Variants in HYDIN observed in about 807,000 individuals in gnomAD.
The protein encoded by HYDIN is HYDIN axonemal central pair apparatus protein, also known as axonemal central pair apparatus protein HYDIN.
Under a neutral mutation model 403.9 loss-of-function variants are expected in HYDIN, and 132 were observed. The ratio of observed to expected loss-of-function variants is 0.33; its 90% confidence interval spans 0.28 to 0.38. The LOEUF (loss-of-function observed/expected upper bound fraction) is 0.38. Ranked by LOEUF, HYDIN falls within the 10% of genes least tolerant of loss-of-function variation. The pLI, the probability that HYDIN is intolerant of heterozygous loss-of-function variation, is 1.00. For synonymous variants in HYDIN, 1,202 were observed against 1,891.7 expected (o/e 0.64, Z 9.46); for missense variants, 2,827 against 5,009.5 (o/e 0.56, Z 13.15).
At chr16:71,197,298 A>C (rs1244361352) in intron 1 of HYDIN, among the ~76,000 whole-genome samples, 1 of 152,224 alleles carries the variant, frequency 6.6e-6, no homozygotes, top group Non-Finnish European at 1.5e-5. Context: ...TCTAAATAAA[A>C]ACATATTGTT....
intron 18 of HYDIN, among the ~76,000 whole-genome samples, chr16:71,041,760 T>G: frequency 6.6e-6 from 1 of 151,762 alleles, no homozygotes; most frequent in Admixed American, 6.6e-5. Context: ...TTAACTTCTG[T>G]TTGTTCTATA....
At chr16:71,208,643 T>C (rs992079264) in intron 1 of HYDIN, among the ~76,000 whole-genome samples, 1 of 151,684 alleles carries the variant, frequency 6.6e-6, no homozygotes, top group East Asian at 1.9e-4. Flanking sequence ...ATTAATAAGA[T>C]AGATAGACCA....
chr16:70,905,051 C>T (rs1018218263), intron 50 of HYDIN, among the ~76,000 whole-genome samples: 4 of 152,052 alleles, frequency 2.6e-5, no homozygotes, highest in African/African-American at 9.7e-5. Flanking sequence ...AAAAGAGGCA[C>T]ATCATCAGAG....
At chr16:70,839,482 T>C (rs1291854107) in intron 76 of HYDIN, among the ~76,000 whole-genome samples, 1 of 145,464 alleles carries the variant, frequency 6.9e-6, no homozygotes, top group African/African-American at 2.6e-5. Flanking sequence ...CATTCAGCTA[T>C]AGGCCACCAT....
chr16:70,938,841 G>A, intron 43 of HYDIN, 86 bp from the exon 44 acceptor site: 1 of 1,429,974 alleles, frequency 7.0e-7, no homozygotes, highest in Non-Finnish European at 9.6e-7. Context: ...GGGTCTTAGT[G>A]TGGGGCAGCT....
At chr16:71,213,494 A>T (rs1199643407) in intron 1 of HYDIN, among the ~76,000 whole-genome samples, 1 of 152,132 alleles carries the variant, frequency 6.6e-6, no homozygotes, top group East Asian at 1.9e-4. Context: ...TACATGTTGG[A>T]TTCTTAAGGA....
chr16:70,835,457 A>G (rs1197898392), intron 78 of HYDIN, among the ~76,000 whole-genome samples: 1 of 152,242 alleles, frequency 6.6e-6, no homozygotes, highest in African/African-American at 2.4e-5. Context: ...CAAAATGAAA[A>G]TAATGTTCGT....
rs1233432392 is a variant in HYDIN, at chr16:71,027,599, T to C, written c.3042+3A>G. On this transcript the variant is annotated splice_donor_region_variant and intron_variant, in intron 20 of 85. Coordinates refer to ENST00000393567, the MANE Select transcript of HYDIN (RefSeq NM_001270974.2). Reference sequence around the variant, plus strand: ...ATAGCTTCCAAATGTGCTATCCCCTTACCCTGGGAGTAGCAGAATAGCCTT... The same window carrying C: ...ATAGCTTCCAAATGTGCTATCCCCTCACCCTGGGAGTAGCAGAATAGCCTT... The C allele has an allele frequency of 6.2e-7, 1 of 1,614,070 alleles. No individual in the cohort carries two copies. Among genetic ancestry groups the C allele is most frequent in the Non-Finnish European group, 8.5e-7 (1 of 1,180,008 alleles).
intron 23 of HYDIN, among the ~76,000 whole-genome samples, chr16:71,016,786 C>T (rs2080273552): frequency 6.6e-6 from 1 of 151,180 alleles, no homozygotes; most frequent in Non-Finnish European, 1.5e-5. Flanking sequence ...TTTGTTCAAA[C>T]TTAAAAAAGA....
At position 70,991,321 on chromosome 16, in the gene HYDIN, T is replaced by C. The variant is rs2079343507; in HGVS notation, c.3861A>G (p.Ser1287=). Residue 1287 remains serine (S), a synonymous_variant, in exon 25 of 86, where the codon TCA becomes TCG. Coordinates refer to ENST00000393567, the MANE Select transcript of HYDIN (RefSeq NM_001270974.2). ...CCCCATGGAAAGGACACCGTACATC[T>C]GAGATCACACTGGAAGCTTTCGTTT... ...LRKTKASSVI[S]DEIKISSTEI... 1.2e-6 allele frequency: 2 copies of C among 1,614,052 alleles called. No homozygotes were observed. The highest frequency in any genetic ancestry group is 1.7e-6 in the Non-Finnish European group (2 of 1,179,912).
chr16:71,230,185 G>T (rs1034043297), intron 1 of HYDIN, among the ~76,000 whole-genome samples: 2 of 152,188 alleles, frequency 1.3e-5, no homozygotes, highest in Non-Finnish European at 1.5e-5. Flanking sequence ...GATTAATACA[G>T]TACAGAACTT....
At position 70,889,907 on chromosome 16, in the gene HYDIN, A is replaced by G. The variant is rs532868067; in HGVS notation, c.9657-203T>C. Among the ~76,000 whole-genome samples the G allele has an allele frequency of 5.3e-5, 8 of 152,370 alleles. No homozygotes were observed. The East Asian group carries it at 7.7e-4, about 15-fold the overall frequency. The stretch of plus-strand genomic sequence containing the variant: ...AGCAACTGTAAGGAAACTAGGCGGT[A>G]ATTATACTTATTAAATATGATTTAT... On this transcript the variant is annotated intron_variant, in intron 57 of 85. Transcript: ENST00000393567.
intron 38 of HYDIN, among the ~76,000 whole-genome samples, chr16:70,961,586 G>A (rs895937462): frequency 1.3e-5 from 2 of 152,228 alleles, no homozygotes; most frequent in African/African-American, 4.8e-5. Flanking sequence ...GGGAGGTCAA[G>A]AGAAGAGCTC....
intron 18 of HYDIN, among the ~76,000 whole-genome samples, chr16:71,055,322 T>C (rs1281000735): frequency 6.6e-6 from 1 of 152,104 alleles, no homozygotes; most frequent in Non-Finnish European, 1.5e-5. Flanking sequence ...TCTCACAGAA[T>C]TGTAGAAAAT....
At position 70,972,050 on chromosome 16, in the gene HYDIN, A is replaced by ATT. The variant is rs56408414; in HGVS notation, c.5379+1291_5379+1292dup. On this transcript the variant is annotated intron_variant, in intron 35 of 85. Transcript: ENST00000393567. ...TTCATGAAACTGCTTGAACAAATCT[A>ATT]TTTTTTTTTTTTACTATATTTCCCT... 2.3e-3 allele frequency among the ~76,000 whole-genome samples: 345 copies of ATT among 148,984 alleles called. 1 individual carries two copies. The highest frequency in any genetic ancestry group is 0.021 in the Middle Eastern group (6 of 286).
intron 13 of HYDIN, among the ~76,000 whole-genome samples, chr16:71,077,590 C>A (rs939742205): frequency 6.6e-5 from 10 of 151,888 alleles, no homozygotes; most frequent in Admixed American, 5.9e-4. Context: ...TCTTTTATTT[C>A]CTTTTATTTT....
intron 42 of HYDIN, among the ~76,000 whole-genome samples, chr16:70,942,841 C>T (rs1171413186): frequency 6.6e-6 from 1 of 152,230 alleles, no homozygotes; most frequent in Non-Finnish European, 1.5e-5. Flanking sequence ...TAGCACAGCT[C>T]CACTGGCTTA....
At chr16:70,982,959 A>G (rs547343941) in intron 28 of HYDIN, among the ~76,000 whole-genome samples, 16 of 146,394 alleles carry the variant, frequency 1.1e-4, no homozygotes, top group Non-Finnish European at 1.9e-4. Flanking sequence ...GTTGTTATCA[A>G]TTTACAATAA....
intron 1 of HYDIN, among the ~76,000 whole-genome samples, chr16:71,205,262 G>T (rs2088232862): frequency 6.6e-6 from 1 of 152,190 alleles, no homozygotes; most frequent in Non-Finnish European, 1.5e-5. Flanking sequence ...GGGCAACAGG[G>T]GAAAACAGAG....
Sources: allele counts gnomAD v4.1 joint callset (sites outside exome capture counted in the v4.1 genomes callset), GRCh38; gene constraint gnomAD v4.1.1; transcripts MANE v1.5; gene names NCBI Gene and HGNC (gene_info 2026-07-23, HGNC 2026-07-21).